The following RANBP17 variants were observed in gnomAD, a reference collection of about 807,000 sequenced individuals.
RANBP17 encodes the protein ran-binding protein 17.
In RANBP17, 158 loss-of-function variants were observed where a neutral mutation model predicts 141.2. That is an observed-to-expected ratio of 1.12 (90% CI 0.98 to 1.28). The LOEUF is 1.28. RANBP17 is among the 50% of genes most tolerant of loss of function. The pLI is 0.00. For missense variants in RANBP17, 1,438 were observed against 1,290.7 expected, an observed-to-expected ratio of 1.11 and a Z score of -1.75; for synonymous variants, 430 against 450.0, an observed-to-expected ratio of 0.96 and a Z score of 0.56.
intron 14 of RANBP17, among the ~76,000 whole-genome samples, chr5:171,099,670 TTTC>T (rs1786988020): frequency 1.3e-5 from 2 of 152,196 alleles, no homozygotes; most frequent in Admixed American, 1.3e-4. Flanking sequence ...AGGGCATCCT[TTTC>T]TTGTGCCAGT....
At chr5:171,049,131 C>T (rs1407543811) in intron 14 of RANBP17, among the ~76,000 whole-genome samples, 1 of 152,188 alleles carries the variant, frequency 6.6e-6, no homozygotes, top group Non-Finnish European at 1.5e-5. Context: ...TCTGCAACTT[C>T]ACCAGCATGT....
chr5:171,061,456 A>G (rs1444478715), intron 14 of RANBP17, among the ~76,000 whole-genome samples: 1 of 151,698 alleles, frequency 6.6e-6, no homozygotes, highest in Non-Finnish European at 1.5e-5. Context: ...TTCAGTTTCC[A>G]TGTAGTTGAG....
intron 21 of RANBP17, among the ~76,000 whole-genome samples, chr5:171,216,021 G>A (rs1763194896): frequency 6.6e-6 from 1 of 152,102 alleles, no homozygotes; most frequent in Non-Finnish European, 1.5e-5. Flanking sequence ...TTTTCTTCTA[G>A]GATTTTTATG....
chr5:171,235,421 A>G (rs2127992247), intron 22 of RANBP17, among the ~76,000 whole-genome samples: 1 of 151,990 alleles, frequency 6.6e-6, no homozygotes, highest in East Asian at 1.9e-4. Context: ...TTGCATATAG[A>G]GAAGGGCAAA....
In RANBP17 at chr5:171,274,139, TGTGTGTGTGTGC is replaced by T. The variant is rs1218561886; in HGVS notation, c.2943+8294_2943+8305del. Among the ~76,000 whole-genome samples the T allele has an allele frequency of 3.9e-3, 512 of 130,902 alleles. 3 individuals carry two copies. Among genetic ancestry groups the T allele is most frequent in the African/African-American group, 0.013 (476 of 35,272 alleles). 85.9% of individuals were successfully genotyped at this position (130,902 alleles called of 152,430 possible). On this transcript the variant is annotated intron_variant, in intron 25 of 27. Coordinates refer to ENST00000523189, the MANE Select transcript of RANBP17 (RefSeq NM_022897.5). The stretch of plus-strand genomic sequence containing the variant: ...GTGTGTGTGTGTGTGTGTGTGTGTG[TGTGTGTGTGTGC>T]GCGCGCGCGCGCGTGCGCAAAATCT...
intron 10 of RANBP17, 146 bp downstream of exon 10, chr5:170,919,005 C>G: frequency 1.2e-5 from 5 of 425,688 alleles, no homozygotes; most frequent in Non-Finnish European, 2.0e-5. Context: ...TAAAAAAATT[C>G]ATTGAAATGT....
intron 25 of RANBP17, among the ~76,000 whole-genome samples, chr5:171,291,092 G>A (rs762439493): frequency 6.6e-6 from 1 of 152,218 alleles, no homozygotes; most frequent in African/African-American, 2.4e-5. Context: ...ACCATACCAC[G>A]TTGGTTTCTC....
rs1262642221 is a variant in RANBP17, at chr5:170,919,474, T to TA, written c.1135_1136insA (p.Leu379TyrfsTer19). On this transcript the variant is annotated frameshift_variant, in exon 11 of 28. Coordinates refer to ENST00000523189, the MANE Select transcript of RANBP17 (RefSeq NM_022897.5). LOFTEE classifies it high-confidence loss of function. ...ATTTGCTCCTAACAGTGTTCATTAT[T>TA]TATTAACTCTGTGGCAAAGGATGGT... 6.2e-7 allele frequency: 1 copy of TA among 1,606,328 alleles called. No individual in the cohort carries two copies. The highest frequency in any genetic ancestry group is 1.3e-5 in the African/African-American group (1 of 74,518).
intron 21 of RANBP17, among the ~76,000 whole-genome samples, chr5:171,218,043 C>T (rs1763326160): frequency 1.3e-5 from 2 of 152,156 alleles, no homozygotes; most frequent in South Asian, 2.1e-4. Flanking sequence ...ATAAATTTCC[C>T]ACCTAACACT....
chr5:170,932,809 G>C (rs1276424184), intron 12 of RANBP17, among the ~76,000 whole-genome samples: 1 of 152,146 alleles, frequency 6.6e-6, no homozygotes, highest in Non-Finnish European at 1.5e-5. Flanking sequence ...GATTTGGTTT[G>C]CCAGTATTTT....
intron 14 of RANBP17, among the ~76,000 whole-genome samples, chr5:171,020,028 A>C (rs558235379): frequency 1.3e-5 from 2 of 152,202 alleles, no homozygotes; most frequent in African/African-American, 4.8e-5. Context: ...TTCACTGTTT[A>C]CTGAGGAGTT....
intron 1 of RANBP17, among the ~76,000 whole-genome samples, chr5:170,877,806 C>T (rs930003073): frequency 2.6e-5 from 4 of 152,152 alleles, no homozygotes; most frequent in African/African-American, 4.8e-5. Context: ...TAGGTCTCAG[C>T]ATAAATATTA....
In RANBP17 at chr5:171,170,051, T is replaced by TA. The variant is rs543906185; in HGVS notation, c.1711-78dup. 2.2e-4 allele frequency: 160 copies of TA among 741,518 alleles called. No homozygotes were observed. In the African/African-American group the frequency reaches 2.5e-3, roughly 11 times the overall value. 45.9% of individuals were successfully genotyped at this position (741,518 alleles called of 1,614,324 possible). On this transcript the variant is annotated intron_variant, in intron 14 of 27. Coordinates refer to ENST00000523189, the MANE Select transcript of RANBP17 (RefSeq NM_022897.5). ...GTGGATACCACAGTGCATTAAATCT[T>TA]ATGTTTGTTCAATTCGAATAGTCTT...
intron 14 of RANBP17, among the ~76,000 whole-genome samples, chr5:170,976,727 A>AT (rs147578341): frequency 0.028 from 4,299 of 152,160 alleles, 101 homozygotes; most frequent in Non-Finnish European, 0.04. Flanking sequence ...TAGTCAGGTG[A>AT]TTTTTTGACA....
intron 14 of RANBP17, among the ~76,000 whole-genome samples, chr5:171,002,893 C>T (rs181417062): frequency 9.9e-5 from 15 of 152,090 alleles, no homozygotes; most frequent in African/African-American, 3.6e-4. Context: ...TGTGGGAGGC[C>T]GGATTGAAGT....
At chr5:171,196,619 C>G (rs1761995347) in intron 18 of RANBP17, among the ~76,000 whole-genome samples, 1 of 152,048 alleles carries the variant, frequency 6.6e-6, no homozygotes, top group African/African-American at 2.4e-5. Context: ...TTATTAAGTA[C>G]CAGACACTGA....
At chr5:171,053,869 T>C (rs1280441097) in intron 14 of RANBP17, among the ~76,000 whole-genome samples, 1 of 119,790 alleles carries the variant, frequency 8.3e-6, no homozygotes, top group Non-Finnish European at 1.7e-5. Context: ...ATCCTGTCAG[T>C]GTTTAGTTCA....
chr5:170,895,505 A>G (rs1450925610), intron 4 of RANBP17, among the ~76,000 whole-genome samples: 1 of 152,192 alleles, frequency 6.6e-6, no homozygotes, highest in Admixed American at 6.5e-5. Context: ...ACATGCCATC[A>G]TTATAGGTAT....
At chr5:171,089,310 GCCC>G (rs1786002425) in intron 14 of RANBP17, among the ~76,000 whole-genome samples, 1 of 108,844 alleles carries the variant, frequency 9.2e-6, no homozygotes, top group African/African-American at 3.0e-5. Flanking sequence ...GAGGCAGTCT[GCCC>G]GTTCTCAGAT....
Sources: gnomAD v4.1 joint callset for allele counts (sites outside exome capture counted in the v4.1 genomes callset) on GRCh38, gnomAD v4.1.1 for gene constraint, MANE v1.5 for transcripts, NCBI Gene and HGNC (gene_info 2026-07-23, HGNC 2026-07-21) for gene names.